Variants in HEXA observed in about 807,000 individuals in gnomAD.
HEXA encodes the protein hexosaminidase subunit alpha.
A neutral mutation model predicts 73.3 loss-of-function variants in HEXA; 54 were observed. The ratio of observed to expected loss-of-function variants is 0.74; its 90% CI spans 0.59 to 0.92. HEXA has a LOEUF of 0.92. HEXA is among the 40% of genes least tolerant of loss of function. The probability of loss-of-function intolerance (pLI) is 0.00; values close to 1 mark genes in which losing one functional copy is unlikely to be tolerated. For synonymous variants in HEXA, 230 were observed against 246.9 expected (o/e 0.93, Z 0.64); for missense variants, 649 against 653.0 (o/e 0.99, Z 0.07).
chr15:72,345,290 A>G, intron 13 of HEXA, 156 bp downstream of exon 13: 1 of 1,422,048 alleles, frequency 7.0e-7, no homozygotes, highest in Non-Finnish European at 9.4e-7. Context: ...TTTCCTGAAT[A>G]CTTTTTATCG....
Position 72,346,292 on chromosome 15 carries a change from C to T in HEXA, c.1364G>A (p.Gly455Glu). 2 of 1,614,082 alleles carry T rather than the reference C, an allele frequency of 1.2e-6. No homozygotes were observed. Among genetic ancestry groups the T allele is most frequent in the Non-Finnish European group, 1.7e-6 (2 of 1,179,948 alleles). ...TPEQKALVIGGEACMWGEYVD... is the reference protein window; with the variant it reads ...TPEQKALVIGEEACMWGEYVD... ...ATATTCTCCCCACATACAAGCCTCTCCACCAATCACCAGAGCCTTCTGCTC... is the reference window on the plus strand; with the variant it reads ...ATATTCTCCCCACATACAAGCCTCTTCACCAATCACCAGAGCCTTCTGCTC... Residue 455 changes from glycine to glutamate, a missense_variant, in exon 12 of 14, where the codon GGA becomes GAA. Transcript: ENST00000268097.
chr15:72,346,841 G>A (rs2140320983), intron 10 of HEXA, 131 bp from the exon 11 acceptor site: 1 of 876,818 alleles, frequency 1.1e-6, no homozygotes, highest in Non-Finnish European at 1.9e-6. Context: ...ATGTCTCTGT[G>A]ACTCCTGACC....
chr15:72,343,003 C>CCT lies in HEXA; in HGVS notation c.*1073_*1074insAG, dbSNP rs911358899. 3.8e-4 allele frequency: 57 copies of CCT among 151,900 alleles called. No homozygotes were observed. The highest frequency in any genetic ancestry group is 1.3e-3 in the African/African-American group (53 of 41,372). 9.4% of individuals were successfully genotyped at this position (151,900 alleles called of 1,614,324 possible). On this transcript the variant is annotated 3_prime_UTR_variant, in exon 14 of 14. Coordinates refer to ENST00000268097, the MANE Select transcript of HEXA (RefSeq NM_000520.6). ...TTGGGAGGCCAAGGCGGGCGGATCA[C>CCT]GAGGTCAGGAGATCGAGACCATCCT... is the stretch of plus-strand genomic sequence containing the variant.
intron 1 of HEXA, among the ~76,000 whole-genome samples, chr15:72,368,167 G>A (rs565382438): frequency 6.6e-6 from 1 of 152,288 alleles, no homozygotes; most frequent in Admixed American, 6.5e-5. Flanking sequence ...ATGGGCCAGG[G>A]ATCAAAATAT....
intron 1 of HEXA, among the ~76,000 whole-genome samples, chr15:72,369,803 C>G (rs564411426): frequency 1.3e-5 from 2 of 152,276 alleles, no homozygotes; most frequent in African/African-American, 4.8e-5. Context: ...GGCTAAGAAA[C>G]AGACAACATG....
rs1266191706 is a variant in HEXA, at chr15:72,340,970, C to T, written c.*3107G>A. On this transcript the variant is annotated 3_prime_UTR_variant, in exon 14 of 14. Transcript: ENST00000268097. The stretch of plus-strand genomic sequence containing the variant: ...TCAAAGTTTATTTATAAAGGAAATA[C>T]AAATTTTGATAAACAAAGCACCCAA... The T allele has an allele frequency of 2.0e-5, 3 of 151,378 alleles. No homozygotes were observed. The highest frequency in any genetic ancestry group is 4.4e-5 in the Non-Finnish European group (3 of 67,900). 9.4% of individuals were successfully genotyped at this position (151,378 alleles called of 1,614,324 possible).
chr15:72,372,629 C>A (rs2089008406), intron 1 of HEXA, among the ~76,000 whole-genome samples: 1 of 152,108 alleles, frequency 6.6e-6, no homozygotes, highest in South Asian at 2.1e-4. Context: ...CAACACACAC[C>A]CTCCAATTGG....
Position 72,375,852 on chromosome 15 carries a change from G to C in HEXA, c.121C>G (p.Pro41Ala), listed in dbSNP as rs774947508. ...QTSDQRYVLY[P>A]NNFQFQYDVS... ...TCGTACTGGAATTGAAAGTTGTTCGGGTAAAGGACGTAGCGCTGGTCGGAG... is the reference window on the plus strand; with the variant it reads ...TCGTACTGGAATTGAAAGTTGTTCGCGTAAAGGACGTAGCGCTGGTCGGAG... Residue 41 changes from proline (P) to alanine (A), a missense_variant, in exon 1 of 14, where the codon CCG becomes GCG. Coordinates refer to ENST00000268097, the MANE Select transcript of HEXA (RefSeq NM_000520.6). 6.2e-7 allele frequency: 1 copy of C among 1,614,282 alleles called. No individual in the cohort carries two copies. The highest frequency in any genetic ancestry group is 8.5e-7 in the Non-Finnish European group (1 of 1,180,054).
chr15:72,355,715 A>G (rs2088768758), intron 2 of HEXA, 91 bp from the exon 3 acceptor site: 1 of 877,828 alleles, frequency 1.1e-6, no homozygotes, highest in Non-Finnish European at 1.9e-6. Context: ...ACTGGACTAA[A>G]AAAAAAAAAC....
chr15:72,353,649 C>T (rs1274057647), intron 4 of HEXA, 42 bp downstream of exon 4: 1 of 1,495,036 alleles, frequency 6.7e-7, no homozygotes, highest in East Asian at 2.3e-5. Context: ...GGATCCAACC[C>T]CAGAGATGAA....
At chr15:72,371,591 GA>G (rs11299619) in intron 1 of HEXA, among the ~76,000 whole-genome samples, 105,314 of 122,080 alleles carry the variant, frequency 0.86, 46,512 homozygotes, top group Non-Finnish European at 0.97. Context: ...GTCTCTAAAA[GA>G]AAAAAAAAAA....
At chr15:72,370,871 T>G (rs2088982993) in intron 1 of HEXA, among the ~76,000 whole-genome samples, 2 of 152,080 alleles carry the variant, frequency 1.3e-5, no homozygotes, top group Non-Finnish European at 2.9e-5. Context: ...TAAAGACAAT[T>G]TATTCATCAC....
intron 1 of HEXA, among the ~76,000 whole-genome samples, chr15:72,361,694 C>G (rs2088854828): frequency 6.6e-6 from 1 of 152,230 alleles, no homozygotes; most frequent in South Asian, 2.1e-4. Context: ...ACAAGTTCAT[C>G]AACTCAAAAT....
chr15:72,375,363 T>C (rs2089048473), intron 1 of HEXA, among the ~76,000 whole-genome samples: 1 of 152,130 alleles, frequency 6.6e-6, no homozygotes, highest in South Asian at 2.1e-4. Flanking sequence ...CAGAAACTTG[T>C]ATGTAACTTT....
chr15:72,349,290 C>G (rs1304491088), intron 7 of HEXA, 31 bp from the exon 8 acceptor site: 1 of 1,562,426 alleles, frequency 6.4e-7, no homozygotes, highest in Non-Finnish European at 8.8e-7. Flanking sequence ...ATATGAGTGT[C>G]ACAAATACAT....
In HEXA at chr15:72,355,566, A is replaced by G. The variant is rs2140328173; in HGVS notation, c.405T>C (p.Ala135=). The change falls in exon 3 of 14, where the codon GCT becomes GCC. Residue 135 remains alanine, a synonymous_variant. Transcript: ENST00000268097. ...CLLLSETVWG[A]LRGLETFSQL... is the part of the protein sequence containing the mutation. ...TCAGCCCCAATTTGTTACCTCGGAGAGCTCCCCAGACAGTCTCAGAGAGGA... is the reference window on the plus strand; with the variant it reads ...TCAGCCCCAATTTGTTACCTCGGAGGGCTCCCCAGACAGTCTCAGAGAGGA... The G allele has an allele frequency of 6.2e-7, 1 of 1,604,888 alleles. No homozygotes were observed. The highest frequency in any genetic ancestry group is 2.2e-5 in the East Asian group (1 of 44,808).
chr15:72,352,871 C>T (rs2088718681), intron 5 of HEXA, among the ~76,000 whole-genome samples, 197 bp downstream of exon 5: 1 of 152,160 alleles, frequency 6.6e-6, no homozygotes, highest in African/African-American at 2.4e-5. Context: ...ACCATGTTGG[C>T]CAGGCTGGCC....
chr15:72,364,039 T>C (rs1039696679), intron 1 of HEXA, among the ~76,000 whole-genome samples: 2 of 151,760 alleles, frequency 1.3e-5, no homozygotes, highest in African/African-American at 4.8e-5. Flanking sequence ...ATCACTTGAG[T>C]TCAAGAGTTC....
At chr15:72,349,044 A>C (rs779629096) in intron 8 of HEXA, 35 bp downstream of exon 8, 11 of 1,578,742 alleles carry the variant, frequency 7.0e-6, no homozygotes, top group Non-Finnish European at 9.6e-6. Flanking sequence ...TAAGCAACTG[A>C]TCAGGCCACA....
Sources: gnomAD v4.1 joint callset for allele counts (sites outside exome capture counted in the v4.1 genomes callset) on GRCh38, gnomAD v4.1.1 for gene constraint, MANE v1.5 for transcripts, NCBI Gene and HGNC (gene_info 2026-07-23, HGNC 2026-07-21) for gene names.